The following CDK6 variants were observed in gnomAD, a reference collection of about 807,000 sequenced individuals.
CDK6 encodes the protein cyclin dependent kinase 6.
CDK6 carries 6 observed loss-of-function variants against 37.1 expected under a neutral mutation model. The observed-to-expected ratio is 0.16, with a 90% CI of 0.09 to 0.32. The LOEUF (loss-of-function observed/expected upper bound fraction) is 0.32. CDK6 is among the 10% of genes least tolerant of loss of function. CDK6 has a pLI of 1.00. For missense variants in CDK6, 224 were observed against 418.9 expected, an observed-to-expected ratio of 0.53 and a Z score of 4.06; for synonymous variants, 160 against 161.3, an observed-to-expected ratio of 0.99 and a Z score of 0.06.
chr7:92,697,590 A>T (rs1474599055), intron 4 of CDK6, among the ~76,000 whole-genome samples: 2 of 152,190 alleles, frequency 1.3e-5, no homozygotes, highest in Non-Finnish European at 2.9e-5. Context: ...GCAAGTAACC[A>T]CTGAGTATGA....
At chr7:92,776,524 C>T (rs530422491) in intron 2 of CDK6, among the ~76,000 whole-genome samples, 18 of 152,312 alleles carry the variant, frequency 1.2e-4, no homozygotes, top group African/African-American at 3.8e-4. Flanking sequence ...ACACTCCCAC[C>T]AACAGTGTAA....
intron 4 of CDK6, among the ~76,000 whole-genome samples, chr7:92,701,130 G>A (rs1298247403): frequency 6.6e-6 from 1 of 152,164 alleles, no homozygotes; most frequent in Non-Finnish European, 1.5e-5. Flanking sequence ...GTGCTTGAAG[G>A]CATGGGGGCA....
At chr7:92,709,591 C>T (rs537705854) in intron 4 of CDK6, among the ~76,000 whole-genome samples, 180 of 152,050 alleles carry the variant, frequency 1.2e-3, no homozygotes, top group Non-Finnish European at 2.3e-3. Context: ...ATTTATGCAT[C>T]CAAATACTGA....
intron 6 of CDK6, among the ~76,000 whole-genome samples, chr7:92,621,208 G>T (rs1481818143): frequency 6.6e-6 from 1 of 152,146 alleles, no homozygotes; most frequent in East Asian, 1.9e-4. Context: ...CTTTTCTCTG[G>T]CAAGGTAATG....
At chr7:92,638,167 A>T (rs1796217448) in intron 5 of CDK6, among the ~76,000 whole-genome samples, 1 of 152,224 alleles carries the variant, frequency 6.6e-6, no homozygotes, top group South Asian at 2.1e-4. Context: ...ATGGAAATTT[A>T]TAAATTTTCC....
chr7:92,741,114 C>T (rs989064228), intron 3 of CDK6, among the ~76,000 whole-genome samples: 1 of 151,978 alleles, frequency 6.6e-6, no homozygotes, highest in African/African-American at 2.4e-5. Context: ...GTTAAATAAA[C>T]GATGATGTGT....
At chr7:92,813,940 CCA>C (rs1212543877) in intron 2 of CDK6, among the ~76,000 whole-genome samples, 1 of 152,176 alleles carries the variant, frequency 6.6e-6, no homozygotes. Context: ...CAAAAACACA[CCA>C]CAGTGAGTAA....
chr7:92,735,217 C>T (rs1282452753), intron 3 of CDK6, among the ~76,000 whole-genome samples: 2 of 152,136 alleles, frequency 1.3e-5, no homozygotes, highest in African/African-American at 2.4e-5. Flanking sequence ...GCAAGTTCCA[C>T]CTTCCTTCTT....
At chr7:92,631,780 G>A (rs1796059556) in intron 5 of CDK6, among the ~76,000 whole-genome samples, 1 of 152,112 alleles carries the variant, frequency 6.6e-6, no homozygotes, top group Admixed American at 6.6e-5. Flanking sequence ...CTGTAAGCTG[G>A]GTTGAGAATG....
intron 5 of CDK6, among the ~76,000 whole-genome samples, chr7:92,623,972 A>G (rs1220137431): frequency 6.6e-6 from 1 of 152,190 alleles, no homozygotes; most frequent in Non-Finnish European, 1.5e-5. Flanking sequence ...GTAGTCTATT[A>G]TCAGGTATCA....
chr7:92,626,701 G>A (rs1795935612), intron 5 of CDK6, among the ~76,000 whole-genome samples: 1 of 152,002 alleles, frequency 6.6e-6, no homozygotes, highest in South Asian at 2.1e-4. Context: ...AATGGCTAGA[G>A]ATGCAAAGAC....
chr7:92,761,067 T>C (rs1469251619), intron 3 of CDK6, among the ~76,000 whole-genome samples: 1 of 152,086 alleles, frequency 6.6e-6, no homozygotes, highest in Non-Finnish European at 1.5e-5. Flanking sequence ...GAGCTTTTTA[T>C]ATATTAAGGA....
At chr7:92,676,490 A>T (rs1189258959) in intron 4 of CDK6, among the ~76,000 whole-genome samples, 1 of 152,170 alleles carries the variant, frequency 6.6e-6, no homozygotes, top group Non-Finnish European at 1.5e-5. Flanking sequence ...TGTCTTATAT[A>T]AATCCTTACT....
intron 5 of CDK6, among the ~76,000 whole-genome samples, chr7:92,662,746 CTT>C (rs1470467565): frequency 6.6e-6 from 1 of 152,152 alleles, no homozygotes; most frequent in Non-Finnish European, 1.5e-5. Flanking sequence ...TGTAGTGACT[CTT>C]TGCTGGAAAA....
intron 6 of CDK6, among the ~76,000 whole-genome samples, chr7:92,622,116 C>T (rs552110629): frequency 6.2e-4 from 94 of 152,012 alleles, no homozygotes; most frequent in African/African-American, 2.2e-3. Flanking sequence ...CTAGAACTCC[C>T]ACTTTTTTCC....
chr7:92,688,181 C>G (rs934678566), intron 4 of CDK6, among the ~76,000 whole-genome samples: 3 of 152,056 alleles, frequency 2.0e-5, no homozygotes, highest in African/African-American at 7.2e-5. Context: ...ACCAGTTTTC[C>G]AAGTGGTTGA....
intron 3 of CDK6, among the ~76,000 whole-genome samples, chr7:92,729,547 T>A: frequency 6.6e-6 from 1 of 152,184 alleles, no homozygotes; most frequent in Non-Finnish European, 1.5e-5. Flanking sequence ...CGAGAGATCT[T>A]AGGTGGGGCT....
chr7:92,671,370 A>C, intron 5 of CDK6, 56 bp downstream of exon 5: 1 of 1,141,174 alleles, frequency 8.8e-7, no homozygotes, highest in Non-Finnish European at 1.2e-6. Context: ...TCAAATTCAC[A>C]AAGATCCACA....
chr7:92,661,987 A>G (rs1302301951), intron 5 of CDK6, among the ~76,000 whole-genome samples: 1 of 152,220 alleles, frequency 6.6e-6, no homozygotes, highest in Non-Finnish European at 1.5e-5. Context: ...AAGTCTGGGC[A>G]TGAAGGGAAG....
Sources: allele counts gnomAD v4.1 joint callset (sites outside exome capture counted in the v4.1 genomes callset), GRCh38; gene constraint gnomAD v4.1.1; transcripts MANE v1.5; gene names NCBI Gene and HGNC (gene_info 2026-07-23, HGNC 2026-07-21).